DNAH10: variants seen among roughly 807,000 people sequenced by gnomAD.
DNAH10 encodes the protein dynein axonemal heavy chain 10.
A neutral mutation model predicts 506.6 loss-of-function variants in DNAH10; 348 were observed. The ratio of observed to expected loss-of-function variants is 0.69; its 90% CI spans 0.63 to 0.75. The LOEUF (loss-of-function observed/expected upper bound fraction) is 0.75, where lower values mean the gene tolerates loss of function less well. Among genes scored for constraint, DNAH10 ranks in the 30% least tolerant of loss-of-function variants. The probability of loss-of-function intolerance (pLI) is 0.00; values close to 1 mark genes in which losing one functional copy is unlikely to be tolerated. For synonymous variants in DNAH10, 2,059 were observed against 2,198.6 expected (o/e 0.94, Z 1.78); for missense variants, 5,179 against 5,787.1 (o/e 0.89, Z 3.41).
intron 25 of DNAH10, among the ~76,000 whole-genome samples, chr12:123,828,840 T>C (rs939205359): frequency 1.3e-5 from 2 of 152,192 alleles, no homozygotes; most frequent in Non-Finnish European, 2.9e-5. Flanking sequence ...GCTCCTGCTC[T>C]GTCACACAGA....
chr12:123,819,997 G>C (rs1296591888), intron 23 of DNAH10, among the ~76,000 whole-genome samples: 1 of 152,086 alleles, frequency 6.6e-6, no homozygotes, highest in South Asian at 2.1e-4. Flanking sequence ...GAGCCACTGA[G>C]CCGAGTCCTA....
chr12:123,889,710 C>CTGTGTATGTGTGTATGTGGAAATA (rs1399846764), intron 52 of DNAH10, among the ~76,000 whole-genome samples: 6 of 152,190 alleles, frequency 3.9e-5, no homozygotes, highest in African/African-American at 9.7e-5. Flanking sequence ...CTCCCTATGG[C>CTGTGTATGTGTGTATGTGGAAATA]TGCTGTAGCA....
intron 10 of DNAH10, among the ~76,000 whole-genome samples, chr12:123,789,544 C>T (rs140148939): frequency 9.9e-5 from 15 of 152,132 alleles, no homozygotes; most frequent in African/African-American, 2.4e-4. Context: ...CCACCACACC[C>T]GGCTAATTTT....
chr12:123,870,588 C>T, intron 44 of DNAH10, 103 bp downstream of exon 44: 3 of 1,443,922 alleles, frequency 2.1e-6, no homozygotes, highest in Non-Finnish European at 2.8e-6. Flanking sequence ...CTCTAAGTCC[C>T]ACGCAGAGAG....
intron 50 of DNAH10, among the ~76,000 whole-genome samples, 166 bp from the exon 51 acceptor site, chr12:123,881,459 G>T (rs181571185): frequency 2.2e-4 from 34 of 152,290 alleles, no homozygotes; most frequent in African/African-American, 6.0e-4. Flanking sequence ...CTTTTGAGAA[G>T]TGTCTGTTCG....
rs913702739 is a variant in DNAH10 at position 123,824,309 on chromosome 12, C to T, written c.4180-2378C>T. Among the ~76,000 whole-genome samples the T allele has an allele frequency of 8.5e-5, 13 of 152,164 alleles. No individual in the cohort carries two copies. The East Asian group carries it at 1.7e-3, about 20-fold the overall frequency. On this transcript the variant is annotated intron_variant, in intron 24 of 78. Coordinates refer to ENST00000673944, the MANE Select transcript of DNAH10 (RefSeq NM_001372106.1). ...ACTCCAGGAAAAGAAGGTTTGGGGA[C>T]GATGGTGAACATCTGGAATTCAGGG... is the stretch of plus-strand genomic sequence containing the variant.
Position 123,826,818 on chromosome 12 carries a change from C to G in DNAH10, c.4311C>G (p.Tyr1437Ter). 6.2e-7 allele frequency: 1 copy of G among 1,613,974 alleles called. No homozygotes were observed. The highest frequency in any genetic ancestry group is 8.5e-7 in the Non-Finnish European group (1 of 1,179,866). ...PRPVRGLSVT[Y>*]YLEAKMKAFK... ...CAGTCCGTGGCTTATCAGTGACCTA[C>G]TACTTGGAAGCAAAAATGAAGGCAT... Residue 1437 changes from tyrosine to a stop codon, truncating the protein, a stop_gained, in exon 25 of 79, where the codon TAC becomes TAG. Coordinates refer to ENST00000673944, the MANE Select transcript of DNAH10 (RefSeq NM_001372106.1). LOFTEE classifies it high-confidence loss of function.
chr12:123,914,132 A>G (rs922975916), intron 60 of DNAH10, among the ~76,000 whole-genome samples, 197 bp from the exon 61 acceptor site: 4 of 152,246 alleles, frequency 2.6e-5, no homozygotes, highest in Non-Finnish European at 5.9e-5. Flanking sequence ...TGCTGGCTCC[A>G]AATACCAGGT....
intron 23 of DNAH10, among the ~76,000 whole-genome samples, chr12:123,820,011 T>C (rs1046213244): frequency 6.6e-6 from 1 of 152,130 alleles, no homozygotes; most frequent in African/African-American, 2.4e-5. Flanking sequence ...AGTCCTAAAA[T>C]TCTTATTCTA....
intron 55 of DNAH10, 49 bp from the exon 56 acceptor site, chr12:123,898,604 G>A (rs1312875583): frequency 2.1e-6 from 3 of 1,450,294 alleles, no homozygotes; most frequent in South Asian, 1.4e-5. Context: ...TGATTGTGTT[G>A]CGAACAGTGG....
chr12:123,770,253 A>T (rs183266393), intron 2 of DNAH10, among the ~76,000 whole-genome samples: 27 of 152,002 alleles, frequency 1.8e-4, no homozygotes, highest in Non-Finnish European at 8.8e-5. Context: ...TCTCAAAAAA[A>T]AATTTTTTTT....
In DNAH10 at chr12:123,931,935, A is replaced by G. The variant is rs1339123986; in HGVS notation, c.13129-6A>G. Reference sequence around the variant, plus strand: ...GTCCTGCCCGATTGCTCTTGATTCTAAATAGGCCTTGGCTGGAGAAGTTGG... The same window carrying G: ...GTCCTGCCCGATTGCTCTTGATTCTGAATAGGCCTTGGCTGGAGAAGTTGG... On this transcript the variant is annotated splice_region_variant and splice_polypyrimidine_tract_variant and intron_variant, in intron 75 of 78. Transcript: ENST00000673944. 2 of 1,613,952 alleles carry G rather than the reference A, an allele frequency of 1.2e-6. No individual in the cohort carries two copies. Among genetic ancestry groups the G allele is most frequent in the South Asian group, 2.2e-5 (2 of 91,070 alleles).
intron 57 of DNAH10, among the ~76,000 whole-genome samples, chr12:123,904,158 CATTCTTGGGA>C (rs377758299): frequency 2.1e-3 from 317 of 152,318 alleles, no homozygotes; most frequent in African/African-American, 7.3e-3. Context: ...CCTCCCGGTT[CATTCTTGGGA>C]GGTCACTTGG....
intron 5 of DNAH10, among the ~76,000 whole-genome samples, chr12:123,776,581 T>C (rs59367942): frequency 0.15 from 22,609 of 150,120 alleles, 3,869 homozygotes; most frequent in African/African-American, 0.42. Flanking sequence ...GGTTGCAGAG[T>C]ATGGTGGTCA....
intron 21 of DNAH10, among the ~76,000 whole-genome samples, chr12:123,817,111 T>G (rs1028945796): frequency 2.0e-5 from 3 of 151,414 alleles, no homozygotes; most frequent in African/African-American, 7.3e-5. Flanking sequence ...TTTTTTTTTT[T>G]TTTTTTTTTG....
chr12:123,783,209 A>G lies in DNAH10; in HGVS notation c.944A>G (p.Asn315Ser). ...TVDILEQCVI[N>S]WLNQISTAVE... is the part of the protein sequence containing the mutation. ...GACATCTTGGAGCAGTGTGTGATAAACTGGCTGAATCAGATATCCACAGCG... is the reference window on the plus strand; with the variant it reads ...GACATCTTGGAGCAGTGTGTGATAAGCTGGCTGAATCAGATATCCACAGCG... Residue 315 changes from asparagine (N) to serine (S), a missense_variant, in exon 7 of 79, where the codon AAC becomes AGC. Coordinates refer to ENST00000673944, the MANE Select transcript of DNAH10 (RefSeq NM_001372106.1). 1 of 1,614,212 alleles carries G rather than the reference A, an allele frequency of 6.2e-7. No individual in the cohort carries two copies. The highest frequency in any genetic ancestry group is 8.5e-7 in the Non-Finnish European group (1 of 1,180,038).
rs568224211 is a variant in DNAH10, at chr12:123,919,351, G to A, written c.11506+402G>A. ...TGGCCTCCTGAAGTGCTGGGATTAC[G>A]AGGTGTGAGCCATCATGCCCAGCTC... On this transcript the variant is annotated intron_variant, in intron 65 of 78. Coordinates refer to ENST00000673944, the MANE Select transcript of DNAH10 (RefSeq NM_001372106.1). This position sits in a 1 kb window ranked among gnomAD's most constrained non-coding sequence, Gnocchi z 4.9. Among the ~76,000 whole-genome samples the A allele has an allele frequency of 1.3e-5, 2 of 152,116 alleles. No individual in the cohort carries two copies. Among genetic ancestry groups the A allele is most frequent in the Admixed American group, 6.5e-5 (1 of 15,270 alleles).
chr12:123,879,847 C>A, intron 50 of DNAH10, 46 bp downstream of exon 50: 1 of 1,596,778 alleles, frequency 6.3e-7, no homozygotes, highest in South Asian at 1.1e-5. Flanking sequence ...TTCTCCTGAG[C>A]ATGGGCCAAG....
In DNAH10 at chr12:123,808,949, C is replaced by A. The variant is rs1958821179; in HGVS notation, c.3140C>A (p.Thr1047Asn). The change falls in exon 19 of 79, where the codon ACC becomes AAC. Residue 1047 changes from threonine (T) to asparagine (N), a missense_variant. Transcript: ENST00000673944. ...TGTGTCCGGAATTGCGTGGAGATCA[C>A]CAAGGTGAGAGCGGAGGTGCTTGTG... Reference protein sequence around the residue: ...FHCVRNCVEITKHFVRWMNGS... With the variant: ...FHCVRNCVEINKHFVRWMNGS... 2.5e-6 allele frequency: 4 copies of A among 1,613,924 alleles called. No homozygotes were observed. The South Asian group carries it at 4.4e-5, about 18-fold the overall frequency.
Sources: allele counts gnomAD v4.1 joint callset (sites outside exome capture counted in the v4.1 genomes callset), GRCh38; gene constraint gnomAD v4.1.1; non-coding constraint Gnocchi (gnomAD v3.1); transcripts MANE v1.5; gene names NCBI Gene and HGNC (gene_info 2026-07-23, HGNC 2026-07-21).